ABLIM1: variants seen among roughly 807,000 people sequenced by gnomAD.
The protein encoded by ABLIM1 is actin binding LIM protein 1.
In ABLIM1, 40 loss-of-function variants were observed where a neutral mutation model predicts 107.0. The ratio of observed to expected loss-of-function variants is 0.37; its 90% CI spans 0.29 to 0.49. The LOEUF is 0.49. Among genes scored for constraint, ABLIM1 ranks in the 20% least tolerant of loss-of-function variants. The pLI is 0.97. For missense variants in ABLIM1, 857 were observed against 1,008.5 expected (o/e 0.85, Z 2.04); for synonymous variants, 357 against 357.3 (o/e 1.00, Z 0.01).
the ABLIM1 span, among the ~76,000 whole-genome samples, chr10:114,789,275 G>GA: frequency 6.6e-6 from 1 of 151,830 alleles, no homozygotes; most frequent in Non-Finnish European, 1.5e-5. Flanking sequence ...AAAAAGAAGA[G>GA]AAAAAAGAAA....
chr10:114,642,285 A>AGT (rs2078789390), intron 1 of ABLIM1, among the ~76,000 whole-genome samples: 1 of 152,182 alleles, frequency 6.6e-6, no homozygotes, highest in Admixed American at 6.5e-5. Context: ...AGTTAAGGAG[A>AGT]GTGAGCACAG....
chr10:114,491,701 G>T, intron 7 of ABLIM1, 90 bp downstream of exon 7: 1 of 1,267,126 alleles, frequency 7.9e-7, no homozygotes, highest in Non-Finnish European at 1.1e-6. Flanking sequence ...CTAATAACAT[G>T]CCTCCTTCTC....
chr10:114,574,097 T>C (rs764928444), intron 3 of ABLIM1, among the ~76,000 whole-genome samples: 5 of 152,222 alleles, frequency 3.3e-5, no homozygotes, highest in Non-Finnish European at 7.3e-5. Context: ...TGTTAATTAA[T>C]TACACAATAT....
intron 6 of ABLIM1, among the ~76,000 whole-genome samples, chr10:114,494,612 AC>A (rs1365182691): frequency 6.6e-6 from 1 of 152,230 alleles, no homozygotes; most frequent in Admixed American, 6.5e-5. Context: ...TACTTACAAT[AC>A]TGAATCACAT....
chr10:114,614,025 C>G (rs1242622780), intron 1 of ABLIM1, among the ~76,000 whole-genome samples: 1 of 152,032 alleles, frequency 6.6e-6, no homozygotes, highest in Non-Finnish European at 1.5e-5. Context: ...CAAAGTTTAA[C>G]AAAGCACTTA....
At chr10:114,632,713 C>T (rs1409091066) in intron 1 of ABLIM1, 2 of 985,252 alleles carry the variant, frequency 2.0e-6, no homozygotes, top group African/African-American at 3.5e-5. Context: ...CTGATTTATC[C>T]ATGTAGGGGG....
chr10:114,624,980 T>A (rs887115299), intron 1 of ABLIM1, among the ~76,000 whole-genome samples: 1 of 152,140 alleles, frequency 6.6e-6, no homozygotes, highest in East Asian at 1.9e-4. Context: ...CCCACAAAGA[T>A]GGGAAATTCA....
chr10:114,787,297 A>G, the ABLIM1 span, among the ~76,000 whole-genome samples: 240 of 146,546 alleles, frequency 1.6e-3, 1 homozygote, highest in Non-Finnish European at 2.6e-3. Context: ...CTCTCTGCCC[A>G]GCAGCCGCCC....
chr10:114,439,284 G>A (rs768018436), intron 20 of ABLIM1, 34 bp from the exon 21 acceptor site: 1 of 1,612,262 alleles, frequency 6.2e-7, no homozygotes, highest in African/African-American at 1.3e-5. Flanking sequence ...GGTGAGGCAT[G>A]AAATAGTCTA....
chr10:114,793,244 T>C, the ABLIM1 span, among the ~76,000 whole-genome samples: 23 of 152,194 alleles, frequency 1.5e-4, no homozygotes, highest in African/African-American at 5.3e-4. Flanking sequence ...AGATTTCTCA[T>C]GAATGGTTTA....
At chr10:114,556,044 C>T (rs2068686597) in intron 4 of ABLIM1, among the ~76,000 whole-genome samples, 1 of 152,004 alleles carries the variant, frequency 6.6e-6, no homozygotes, top group South Asian at 2.1e-4. Flanking sequence ...AGTACTTTGT[C>T]CCTGGCCAGG....
intron 6 of ABLIM1, among the ~76,000 whole-genome samples, chr10:114,531,507 T>TTTTTG (rs544686673): frequency 1.5e-3 from 232 of 152,234 alleles, no homozygotes; most frequent in Admixed American, 3.1e-3. Context: ...CTCAGCTTCT[T>TTTTTG]TTTTGTTTTG....
At chr10:114,690,412 ACTTG>A (rs1162439816) in intron 1 of ABLIM1, 1 of 1,604,278 alleles carries the variant, frequency 6.2e-7, no homozygotes, top group East Asian at 2.2e-5. Flanking sequence ...CCATAGATGG[ACTTG>A]CCACCAGTGC....
In ABLIM1 at chr10:114,558,883, G is replaced by A. The variant is rs529249134; in HGVS notation, c.674-11107C>T. On this transcript the variant is annotated intron_variant, in intron 4 of 22. Coordinates refer to ENST00000533213, the MANE Select transcript of ABLIM1 (RefSeq NM_002313.7). ...GTCACCTCCAATATTTAAGGTTTCA[G>A]GTCCTGTCAGGGAGAACTAGTGTGT... is the stretch of plus-strand genomic sequence containing the variant. Among the ~76,000 whole-genome samples, 5 of 148,818 alleles carry A rather than the reference G, an allele frequency of 3.4e-5. No individual in the cohort carries two copies. The East Asian group carries it at 9.9e-4, about 29-fold the overall frequency.
chr10:114,728,708 T>A (rs2082013279), intron 1 of ABLIM1, among the ~76,000 whole-genome samples: 1 of 152,188 alleles, frequency 6.6e-6, no homozygotes, highest in Non-Finnish European at 1.5e-5. Flanking sequence ...GTGAGAATAC[T>A]CTAAAAGCAT....
intron 1 of ABLIM1, among the ~76,000 whole-genome samples, chr10:114,715,683 C>G (rs1341992881): frequency 6.6e-6 from 1 of 152,094 alleles, no homozygotes; most frequent in African/African-American, 2.4e-5. Context: ...CTGACCTCAG[C>G]CCTCACCGTG....
intron 6 of ABLIM1, among the ~76,000 whole-genome samples, chr10:114,503,903 C>T (rs542049391): frequency 3.9e-5 from 6 of 152,314 alleles, no homozygotes; most frequent in Admixed American, 1.3e-4. Flanking sequence ...CCTTCTGTTG[C>T]TGGTATCCTT....
At chr10:114,559,660 A>C (rs563576439) in intron 4 of ABLIM1, among the ~76,000 whole-genome samples, 20 of 152,104 alleles carry the variant, frequency 1.3e-4, no homozygotes, top group African/African-American at 4.8e-4. Context: ...TTCTGCTTAC[A>C]AAATATAATC....
chr10:114,747,489 G>A (rs955102666), intron 1 of ABLIM1, among the ~76,000 whole-genome samples: 1 of 152,234 alleles, frequency 6.6e-6, no homozygotes, highest in Non-Finnish European at 1.5e-5. Context: ...CTGAATGCCA[G>A]AGTAGAAGAA....
Sources: allele counts gnomAD v4.1 joint callset (sites outside exome capture counted in the v4.1 genomes callset), GRCh38; gene constraint gnomAD v4.1.1; transcripts MANE v1.5; gene names NCBI Gene and HGNC (gene_info 2026-07-23, HGNC 2026-07-21).